EDA: variants seen among roughly 807,000 people sequenced by gnomAD.
EDA encodes the protein ectodysplasin-A.
EDA carries 2 observed loss-of-function variants against 23.6 expected under a neutral mutation model. That is an observed-to-expected ratio of 0.08 (90% confidence interval 0.03 to 0.27). EDA has a LOEUF of 0.27. EDA is among the 10% of genes least tolerant of loss of function. EDA has a pLI of 1.00. For missense variants in EDA, 229 were observed against 324.2 expected (o/e 0.71, Z 2.26); for synonymous variants, 131 against 132.0 (o/e 0.99, Z 0.05).
intron 2 of EDA, among the ~76,000 whole-genome samples, chrX:69,981,909 T>C (rs1011132881): frequency 1.8e-5 from 2 of 111,678 alleles, no homozygotes; most frequent in African/African-American, 6.5e-5. Flanking sequence ...TGACTTAGCA[T>C]GGTCAGATAC....
At chrX:70,006,804 C>T (rs1367136027) in intron 2 of EDA, among the ~76,000 whole-genome samples, 1 of 110,835 alleles carries the variant, frequency 9.0e-6, no homozygotes, top group Non-Finnish European at 1.9e-5. Flanking sequence ...TTTTCTTTCA[C>T]AGATTGTGCT....
In EDA at chrX:70,022,686, G is replaced by A. The variant is rs758217518; in HGVS notation, c.503-532G>A. 2.7e-5 allele frequency among the ~76,000 whole-genome samples: 3 copies of A among 111,721 alleles called. No individual in the cohort carries two copies. The South Asian group carries it at 1.1e-3, about 42-fold the overall frequency. On this transcript the variant is annotated intron_variant, in intron 2 of 7. Transcript: ENST00000374552. ...ACTTATAGTAAATTACAATGGAAATGCATGTGGCCCTCAAGAGTGTATTAT... is the reference window on the plus strand; with the variant it reads ...ACTTATAGTAAATTACAATGGAAATACATGTGGCCCTCAAGAGTGTATTAT...
At chrX:69,920,204 A>G (rs2018408413) in intron 1 of EDA, among the ~76,000 whole-genome samples, 1 of 110,974 alleles carries the variant, frequency 9.0e-6, no homozygotes, top group Admixed American at 9.7e-5. Context: ...AATATTTTAA[A>G]TAAAATTTTT....
rs147919724 is a variant in EDA at position 69,979,684 on chromosome X, A to C, written c.502+22552A>C. ...TCATGTGATTATTGGCCATTTGTAT[A>C]TTTTCTTTAGAGGAATGTCTATTTA... On this transcript the variant is annotated intron_variant, in intron 2 of 7. Transcript: ENST00000374552. Among the ~76,000 whole-genome samples the C allele has an allele frequency of 7.2e-3, 797 of 111,068 alleles. 9 individuals are homozygous for C. Among genetic ancestry groups the C allele is most frequent in the African/African-American group, 0.025 (753 of 30,584 alleles).
chrX:69,719,215 G>T (rs2012471398), intron 1 of EDA, among the ~76,000 whole-genome samples: 1 of 88,496 alleles, frequency 1.1e-5, no homozygotes, highest in African/African-American at 3.6e-5. Context: ...TTTGTCAATT[G>T]TATTGTTTTT....
At chrX:69,750,953 A>C (rs2013825973) in intron 1 of EDA, among the ~76,000 whole-genome samples, 1 of 109,514 alleles carries the variant, frequency 9.1e-6, no homozygotes, top group South Asian at 3.9e-4. Flanking sequence ...GATTGTAAAA[A>C]TTTTCTCCCA....
rs1230721026 is a variant in EDA, at chrX:69,826,668, G to GTC, written c.397-130357_397-130356dup. Among the ~76,000 whole-genome samples the GTC allele has an allele frequency of 1.8e-4, 20 of 109,681 alleles. No homozygotes were observed. In the Admixed American group the frequency reaches 1.8e-3, roughly 10 times the overall value. On this transcript the variant is annotated intron_variant, in intron 1 of 7. Transcript: ENST00000374552. ...CTCTTTATCCAATTTGCCAGTCTGT[G>GTC]TCTTTTAATTGGAGCATTTAGTCCA...
intron 1 of EDA, among the ~76,000 whole-genome samples, chrX:69,765,153 G>T (rs2014432852): frequency 8.9e-6 from 1 of 111,786 alleles, no homozygotes; most frequent in Admixed American, 9.5e-5. Context: ...GTTCTTAAAG[G>T]CTATGAGAGA....
intron 1 of EDA, among the ~76,000 whole-genome samples, chrX:69,721,631 T>C (rs990001026): frequency 2.7e-5 from 3 of 110,869 alleles, no homozygotes; most frequent in African/African-American, 9.9e-5. Flanking sequence ...TCCCATTTGA[T>C]TTAGGAGAGG....
chrX:69,629,080 A>G (rs1932483044), intron 1 of EDA, among the ~76,000 whole-genome samples: 4 of 111,965 alleles, frequency 3.6e-5, no homozygotes, highest in African/African-American at 1.3e-4. Context: ...TGCCCGTAGA[A>G]TAAAGTTCAG....
intron 1 of EDA, among the ~76,000 whole-genome samples, chrX:69,907,093 G>A (rs1263986088): frequency 1.8e-5 from 2 of 111,633 alleles, no homozygotes; most frequent in African/African-American, 6.5e-5. Context: ...TAATAATGAA[G>A]GAAGTAAGTG....
At chrX:69,655,525 A>G (rs1272930903) in intron 1 of EDA, among the ~76,000 whole-genome samples, 1 of 51,889 alleles carries the variant, frequency 1.9e-5, no homozygotes, top group Non-Finnish European at 3.0e-5. Context: ...AGTGAAGCTC[A>G]GATTACTCAA....
chrX:69,826,863 C>G (rs2016453897), intron 1 of EDA, among the ~76,000 whole-genome samples: 2 of 111,849 alleles, frequency 1.8e-5, no homozygotes, highest in South Asian at 7.6e-4. Flanking sequence ...ATGTTTAGCA[C>G]TTCCTTCAGT....
intron 1 of EDA, among the ~76,000 whole-genome samples, chrX:69,669,962 A>G (rs1261849156): frequency 9.0e-6 from 1 of 111,704 alleles, no homozygotes; most frequent in Non-Finnish European, 1.9e-5. Flanking sequence ...AATATTCTGG[A>G]TTTGAGTATG....
At chrX:69,698,975 T>C (rs1175922015) in intron 1 of EDA, among the ~76,000 whole-genome samples, 1 of 111,490 alleles carries the variant, frequency 9.0e-6, no homozygotes, top group African/African-American at 3.3e-5. Context: ...AGACAAAGAC[T>C]AGAAGATAGC....
At chrX:69,849,169 C>T (rs1339950529) in intron 1 of EDA, among the ~76,000 whole-genome samples, 1 of 107,879 alleles carries the variant, frequency 9.3e-6, no homozygotes, top group Non-Finnish European at 1.9e-5. Flanking sequence ...TAGTGGAGTT[C>T]TGAGATTCAA....
intron 2 of EDA, among the ~76,000 whole-genome samples, chrX:69,997,615 G>C (rs1397264224): frequency 8.9e-6 from 1 of 112,895 alleles, no homozygotes; most frequent in Non-Finnish European, 1.9e-5. Context: ...AGACAATGGG[G>C]AAAATGTCTC....
At chrX:69,639,077 G>A (rs975321647) in intron 1 of EDA, among the ~76,000 whole-genome samples, 1 of 110,783 alleles carries the variant, frequency 9.0e-6, no homozygotes, top group African/African-American at 3.3e-5. Context: ...GTTCACTTAT[G>A]TTGTAGCATG....
chrX:69,921,593 C>A (rs751216121), intron 1 of EDA, among the ~76,000 whole-genome samples: 116 of 110,640 alleles, frequency 1.0e-3, no homozygotes, highest in Middle Eastern at 9.2e-3. Flanking sequence ...TTAATTCACA[C>A]CTCTGTGGGG....
Sources: allele counts gnomAD v4.1 joint callset (sites outside exome capture counted in the v4.1 genomes callset), GRCh38; gene constraint gnomAD v4.1.1; transcripts MANE v1.5; gene names NCBI Gene and HGNC (gene_info 2026-07-23, HGNC 2026-07-21).